The following ATP5MC3 variants were observed in gnomAD, a reference collection of about 807,000 sequenced individuals.
ATP5MC3 encodes the protein ATP synthase F(0) complex subunit C3, mitochondrial.
In ATP5MC3, 6 loss-of-function variants were observed where a neutral mutation model predicts 15.6. That is an observed-to-expected ratio of 0.38 (90% CI 0.21 to 0.76). The LOEUF (loss-of-function observed/expected upper bound fraction) is 0.76. Among genes scored for constraint, ATP5MC3 ranks in the 30% least tolerant of loss-of-function variants. The pLI is 0.44. For missense variants in ATP5MC3, 132 were observed against 171.2 expected, an observed-to-expected ratio of 0.77 and a Z score of 1.28; for synonymous variants, 66 against 63.3, an observed-to-expected ratio of 1.04 and a Z score of -0.20.
At chr2:175,178,823 G>T in intron 4 of ATP5MC3, 1 of 1,118,072 alleles carries the variant, frequency 8.9e-7, no homozygotes, top group Non-Finnish European at 1.2e-6. Context: ...ACATTTACTA[G>T]CTATGACCTG....
At chr2:175,178,755 A>G in intron 4 of ATP5MC3, 1 of 1,166,764 alleles carries the variant, frequency 8.6e-7, no homozygotes, top group Non-Finnish European at 1.1e-6. Flanking sequence ...TTCCCAAAAT[A>G]GCTTAACAAT....
rs1258826365 is a variant in ATP5MC3, at chr2:175,176,805, A to G, written c.*1483T>C. The stretch of plus-strand genomic sequence containing the variant: ...GTTCACTCACATCTATTCATTATGT[A>G]TCAGTGCCTCATTCCTTTTCATGGC... On this transcript the variant is annotated 3_prime_UTR_variant, in exon 5 of 5. Transcript: ENST00000284727. 1 of 152,238 alleles carries G rather than the reference A, an allele frequency of 6.6e-6. No homozygotes were observed. Among genetic ancestry groups the G allele is most frequent in the Non-Finnish European group, 1.5e-5 (1 of 68,044 alleles). The allele number at this position is 152,238 out of a possible 1,614,324, so 9.4% of individuals were successfully genotyped here.
At chr2:175,181,635 C>A (rs147943553) in intron 1 of ATP5MC3, 21 bp downstream of exon 1, 14,846 of 528,234 alleles carry the variant, frequency 0.028, 290 homozygotes, top group Middle Eastern at 0.038. Flanking sequence ...CCAGGCCGGG[C>A]TCCCTGTGCC....
chr2:175,179,011 C>A lies in ATP5MC3; in HGVS notation c.314+46G>T, dbSNP rs112024158. ...ATTATTTCAGTAGCTAAGTTTCCAACTACTGCAAGCATGCTCTTAACTTAT... is the reference window on the plus strand; with the variant it reads ...ATTATTTCAGTAGCTAAGTTTCCAAATACTGCAAGCATGCTCTTAACTTAT... On this transcript the variant is annotated intron_variant, in intron 4 of 4. Coordinates refer to ENST00000284727, the MANE Select transcript of ATP5MC3 (RefSeq NM_001689.5). The A allele has an allele frequency of 5.2e-4, 823 of 1,586,436 alleles. 6 individuals carry two copies. In the African/African-American group the frequency reaches 0.01, roughly 20 times the overall value.
At chr2:175,179,027 C>T in intron 4 of ATP5MC3, 30 bp downstream of exon 4, 1 of 1,602,966 alleles carries the variant, frequency 6.2e-7, no homozygotes, top group South Asian at 1.1e-5. Context: ...CAAGCATGCT[C>T]TTAACTTATT....
intron 2 of ATP5MC3, among the ~76,000 whole-genome samples, chr2:175,180,814 C>T (rs1302702700): frequency 7.9e-5 from 12 of 152,188 alleles, no homozygotes; most frequent in Admixed American, 7.9e-4. Flanking sequence ...CAGATCTAGA[C>T]CTCACTTTAA....
rs372765094 is a variant in ATP5MC3 at position 175,180,149 on chromosome 2, T to G, written c.69A>C (p.Arg23Ser). The stretch of plus-strand genomic sequence containing the variant: ...GAGATAACACTGATGCAGAAATTGG[T>G]CTGTATGCAACTCTGGATCCAGCTC... ...LIRAGSRVAY[R>S]PISASVLSRP... Residue 23 changes from arginine to serine, a missense_variant, in exon 3 of 5, where the codon AGA becomes AGC. This residue lies in a region of ATP5MC3 where 90 missense variants were observed against 86.2 expected (regional missense o/e 1.04). Transcript: ENST00000284727. The G allele has an allele frequency of 6.3e-7, 1 of 1,599,536 alleles. No individual in the cohort carries two copies. The highest frequency in any genetic ancestry group is 1.4e-5 in the African/African-American group (1 of 73,880).
At chr2:175,181,076 G>C (rs899403002) in intron 2 of ATP5MC3, among the ~76,000 whole-genome samples, 3 of 152,228 alleles carry the variant, frequency 2.0e-5, no homozygotes, top group African/African-American at 7.2e-5. Flanking sequence ...GAGAAGGTGG[G>C]GGAAAGGGCC....
intron 4 of ATP5MC3, 142 bp from the exon 5 acceptor site, chr2:175,178,544 C>T (rs1014050530): frequency 5.0e-6 from 7 of 1,406,690 alleles, no homozygotes; most frequent in African/African-American, 1.5e-5. Flanking sequence ...ATCTCTCTTA[C>T]ACTATTCTCC....
In ATP5MC3 at chr2:175,177,746, C is replaced by T. The variant is rs1001649088; in HGVS notation, c.*542G>A. The stretch of plus-strand genomic sequence containing the variant: ...CTGAAAAACAAAAGTCACATTACCC[C>T]CTAGCTTAAGGCTTCATTTCCTAAA... On this transcript the variant is annotated 3_prime_UTR_variant, in exon 5 of 5. Coordinates refer to ENST00000284727, the MANE Select transcript of ATP5MC3 (RefSeq NM_001689.5). 6.6e-6 allele frequency: 1 copy of T among 152,298 alleles called. No individual in the cohort carries two copies. The highest frequency in any genetic ancestry group is 2.4e-5 in the African/African-American group (1 of 41,562). 9.4% of individuals were successfully genotyped at this position (152,298 alleles called of 1,614,324 possible).
rs1403764006 is a variant in ATP5MC3, at chr2:175,177,431, T to C, written c.*857A>G. On this transcript the variant is annotated 3_prime_UTR_variant, in exon 5 of 5. Coordinates refer to ENST00000284727, the MANE Select transcript of ATP5MC3 (RefSeq NM_001689.5). ...AACTGTCTATAGTAGCACCATCTTC[T>C]TCCTTTGAATGGGAAAAGTTTGACC... 2 of 152,206 alleles carry C rather than the reference T, an allele frequency of 1.3e-5. No homozygotes were observed. Among genetic ancestry groups the C allele is most frequent in the Non-Finnish European group, 2.9e-5 (2 of 68,022 alleles). 9.4% of individuals were successfully genotyped at this position (152,206 alleles called of 1,614,324 possible).
intron 4 of ATP5MC3, 191 bp from the exon 5 acceptor site, chr2:175,178,593 C>CT: frequency 7.6e-7 from 1 of 1,313,796 alleles, no homozygotes; most frequent in Non-Finnish European, 9.7e-7. Context: ...AGGGAGCTGT[C>CT]TGTCAATATA....
chr2:175,181,599 C>T lies in ATP5MC3; in HGVS notation c.-74+57G>A, dbSNP rs962013825. On this transcript the variant is annotated intron_variant, in intron 1 of 4. Coordinates refer to ENST00000284727, the MANE Select transcript of ATP5MC3 (RefSeq NM_001689.5). Reference sequence around the variant, plus strand: ...TGAGGCGCCGGCACAATGAATGGGTCCCTACTGGGCGCCGCTCCGCCCTGG... The same window carrying T: ...TGAGGCGCCGGCACAATGAATGGGTTCCTACTGGGCGCCGCTCCGCCCTGG... 5 of 598,074 alleles carry T rather than the reference C, an allele frequency of 8.4e-6. No homozygotes were observed. In the East Asian group the frequency reaches 9.0e-5, roughly 11 times the overall value. The allele number at this position is 598,074 out of a possible 1,614,324, so 37.0% of individuals were successfully genotyped here.
In ATP5MC3 at chr2:175,176,315, A is replaced by G. The variant is rs1700681503; in HGVS notation, c.*1973T>C. 1 of 151,780 alleles carries G rather than the reference A, an allele frequency of 6.6e-6. No homozygotes were observed. The highest frequency in any genetic ancestry group is 2.1e-4 in the South Asian group (1 of 4,804). The allele number at this position is 151,780 out of a possible 1,614,324, so 9.4% of individuals were successfully genotyped here. A position where few individuals can be genotyped will look rare whatever the true frequency, so the allele number is the denominator to read the frequency against. On this transcript the variant is annotated 3_prime_UTR_variant, in exon 5 of 5. Transcript: ENST00000284727. ...CTTGGAATAGGTGAATATTAATCTA[A>G]GCATTTTCCTATCACTTTTAAAATT... is the stretch of plus-strand genomic sequence containing the variant.
chr2:175,179,841 A>T, intron 3 of ATP5MC3: 1 of 421,526 alleles, frequency 2.4e-6, no homozygotes. Context: ...TAGCTATTAT[A>T]ATTTTAAATA....
chr2:175,178,548 A>G (rs1179694785), intron 4 of ATP5MC3, 146 bp from the exon 5 acceptor site: 1 of 1,391,616 alleles, frequency 7.2e-7, no homozygotes, highest in Non-Finnish European at 9.3e-7. Context: ...CTCTTACACT[A>G]TTCTCCTTCA....
chr2:175,180,212 T>C, intron 2 of ATP5MC3, 34 bp from the exon 3 acceptor site: 2 of 1,501,100 alleles, frequency 1.3e-6, no homozygotes, highest in Non-Finnish European at 1.8e-6. Flanking sequence ...ATTTCAATAT[T>C]AAGAAAGAAT....
chr2:175,181,516 T>C, intron 1 of ATP5MC3, 50 bp from the exon 2 acceptor site: 2 of 1,250,824 alleles, frequency 1.6e-6, no homozygotes, highest in Non-Finnish European at 2.2e-6. Flanking sequence ...GGGCCTGTTC[T>C]TCCCACCCAG....
At chr2:175,181,541 C>A in intron 1 of ATP5MC3, 75 bp from the exon 2 acceptor site, 2 of 923,144 alleles carry the variant, frequency 2.2e-6, no homozygotes, top group African/African-American at 1.7e-5. Context: ...CGCAGGCTCC[C>A]GTGCACGCCG....
Sources: allele counts gnomAD v4.1 joint callset (sites outside exome capture counted in the v4.1 genomes callset), GRCh38; gene constraint gnomAD v4.1.1; regional missense constraint gnomAD v4.1.1; transcripts MANE v1.5; gene names NCBI Gene and HGNC (gene_info 2026-07-23, HGNC 2026-07-21).